SELENOF: variants seen among roughly 807,000 people sequenced by gnomAD.
SELENOF encodes selenoprotein F.
In SELENOF, 16 loss-of-function variants were observed where a neutral mutation model predicts 20.5. The observed-to-expected ratio is 0.78, with a 90% CI of 0.53 to 1.19. The LOEUF (loss-of-function observed/expected upper bound fraction) is 1.19, where lower values mean the gene tolerates loss of function less well. Ranked by LOEUF, SELENOF falls within the 50% of genes most tolerant of loss-of-function variation. The pLI is 0.00. For missense variants in SELENOF, 215 were observed against 194.2 expected, an observed-to-expected ratio of 1.11 and a Z score of -0.64; for synonymous variants, 78 against 74.5, an observed-to-expected ratio of 1.05 and a Z score of -0.24.
chr1:86,885,129 T>C (rs1011063950), intron 2 of SELENOF, among the ~76,000 whole-genome samples: 25 of 152,176 alleles, frequency 1.6e-4, no homozygotes, highest in African/African-American at 6.0e-4. Context: ...TTAGTTGATG[T>C]TTTCCCAGTT....
chr1:86,895,194 A>G (rs1345540164), intron 2 of SELENOF, among the ~76,000 whole-genome samples: 1 of 152,208 alleles, frequency 6.6e-6, no homozygotes, highest in Non-Finnish European at 1.5e-5. Context: ...CAGGAACTTG[A>G]AAGTGGAATA....
intron 2 of SELENOF, 95 bp downstream of exon 2, chr1:86,903,186 G>A (rs527450582): frequency 2.7e-6 from 3 of 1,092,544 alleles, no homozygotes; most frequent in Admixed American, 6.7e-5. Context: ...TAAAAGCTTA[G>A]AGGCTTTTTT....
intron 1 of SELENOF, among the ~76,000 whole-genome samples, chr1:86,903,752 G>A (rs909614384): frequency 2.0e-5 from 3 of 152,150 alleles, no homozygotes; most frequent in Admixed American, 1.3e-4. Context: ...ATGCCACCAC[G>A]CCCAGCTAAT....
At position 86,866,934 on chromosome 1, in the gene SELENOF, C is replaced by T. The variant is rs142655205; in HGVS notation, c.366+1119G>A. ...AAGTTAAACAATCTTAACTGTATGA[C>T]CCAGCAATTGCACTCAGTTATTTAC... On this transcript the variant is annotated intron_variant, in intron 4 of 4. Coordinates refer to ENST00000331835, the MANE Select transcript of SELENOF (RefSeq NM_004261.5). Among the ~76,000 whole-genome samples, 256 of 152,248 alleles carry T rather than the reference C, an allele frequency of 1.7e-3. 2 individuals carry two copies. The highest frequency in any genetic ancestry group is 5.7e-3 in the African/African-American group (236 of 41,540).
chr1:86,903,822 C>T (rs928280587), intron 1 of SELENOF, among the ~76,000 whole-genome samples: 4 of 152,080 alleles, frequency 2.6e-5, no homozygotes, highest in African/African-American at 9.7e-5. Context: ...CCTCGTGATC[C>T]GCCCACCTTG....
chr1:86,914,303 T>C (rs754001), upstream of SELENOF: 72,560 of 604,122 alleles, frequency 0.12, 4,724 homozygotes, highest in Non-Finnish European at 0.14. Flanking sequence ...ATTACCCAAA[T>C]CAGGCACTTG....
At chr1:86,865,933 C>T (rs745671056) in intron 4 of SELENOF, among the ~76,000 whole-genome samples, 6 of 151,982 alleles carry the variant, frequency 3.9e-5, no homozygotes, top group Admixed American at 6.5e-5. Flanking sequence ...GTGGCTCATG[C>T]CTGTAAATCC....
intron 3 of SELENOF, among the ~76,000 whole-genome samples, chr1:86,874,191 G>A (rs766951774): frequency 7.3e-5 from 11 of 151,608 alleles, no homozygotes; most frequent in Non-Finnish European, 1.3e-4. Context: ...GGCTGGTCTC[G>A]AACGCCTGAC....
intron 2 of SELENOF, among the ~76,000 whole-genome samples, chr1:86,886,273 G>GGCGCCT: frequency 6.6e-6 from 1 of 152,220 alleles, no homozygotes; most frequent in Non-Finnish European, 1.5e-5. Flanking sequence ...GATTGTAATG[G>GGCGCCT]GCAGGCAGGG....
chr1:86,880,267 C>G (rs1659032464), intron 3 of SELENOF, among the ~76,000 whole-genome samples: 1 of 151,946 alleles, frequency 6.6e-6, no homozygotes, highest in Non-Finnish European at 1.5e-5. Flanking sequence ...TCCCGAGTAG[C>G]TGGGATTATA....
intron 3 of SELENOF, among the ~76,000 whole-genome samples, chr1:86,868,650 A>G (rs923710987): frequency 6.6e-6 from 1 of 152,088 alleles, no homozygotes; most frequent in Non-Finnish European, 1.5e-5. Flanking sequence ...AAGGTGCCAA[A>G]CTGTTTATAG....
At chr1:86,872,762 GC>G (rs1310682872) in intron 3 of SELENOF, among the ~76,000 whole-genome samples, 3 of 152,048 alleles carry the variant, frequency 2.0e-5, no homozygotes, top group Non-Finnish European at 4.4e-5. Context: ...CCAGGCACGG[GC>G]CCGGCGTGGT....
At chr1:86,869,731 CTTTCT>C (rs1010566864) in intron 3 of SELENOF, among the ~76,000 whole-genome samples, 16 of 151,254 alleles carry the variant, frequency 1.1e-4, no homozygotes, top group Admixed American at 3.3e-4. Context: ...TTCCTTCTTT[CTTTCT>C]TTTCTTTTCT....
At position 86,890,601 on chromosome 1, in the gene SELENOF, G is replaced by A. The variant is rs553707760; in HGVS notation, c.253-9876C>T. ...ACCTCCTAGGCTCGAGTGATCCTCC[G>A]GTAGCCTCAGCCTCCCAAATAGCTA... On this transcript the variant is annotated intron_variant, in intron 2 of 4. Coordinates refer to ENST00000331835, the MANE Select transcript of SELENOF (RefSeq NM_004261.5). Among the ~76,000 whole-genome samples the A allele has an allele frequency of 7.9e-5, 12 of 151,848 alleles. No individual in the cohort carries two copies. The East Asian group carries it at 1.7e-3, about 22-fold the overall frequency.
intron 3 of SELENOF, among the ~76,000 whole-genome samples, chr1:86,878,728 G>T (rs993748458): frequency 6.6e-6 from 1 of 152,026 alleles, no homozygotes; most frequent in Non-Finnish European, 1.5e-5. Flanking sequence ...ATGAAAGTTA[G>T]TTTGGTATTT....
intron 4 of SELENOF, among the ~76,000 whole-genome samples, chr1:86,867,551 G>GGGA (rs1658635216): frequency 6.6e-6 from 1 of 151,900 alleles, no homozygotes; most frequent in Non-Finnish European, 1.5e-5. Flanking sequence ...CCAGGGGGTG[G>GGGA]GGAAGAGGGA....
At chr1:86,896,108 A>G (rs1232200271) in intron 2 of SELENOF, among the ~76,000 whole-genome samples, 1 of 152,086 alleles carries the variant, frequency 6.6e-6, no homozygotes, top group Non-Finnish European at 1.5e-5. Flanking sequence ...GGTGCCTGGA[A>G]TCCCAGCTGC....
chr1:86,874,663 A>G (rs1198177393), intron 3 of SELENOF, among the ~76,000 whole-genome samples: 1 of 152,186 alleles, frequency 6.6e-6, no homozygotes, highest in Non-Finnish European at 1.5e-5. Flanking sequence ...GGGGGATAAC[A>G]AAGAAGTATA....
chr1:86,914,138 A>G (rs759625228), upstream of SELENOF: 15 of 1,609,314 alleles, frequency 9.3e-6, 1 homozygote, highest in Admixed American at 2.3e-4. Flanking sequence ...GCTGCCTAGA[A>G]GGACCCCTAA....
Sources: gnomAD v4.1 joint callset for allele counts (sites outside exome capture counted in the v4.1 genomes callset) on GRCh38, gnomAD v4.1.1 for gene constraint, MANE v1.5 for transcripts, NCBI Gene and HGNC (gene_info 2026-07-23, HGNC 2026-07-21) for gene names.